JDP2: variants seen among roughly 807,000 people sequenced by gnomAD.
JDP2 encodes progesterone receptor co-activator.
JDP2 carries 9 observed loss-of-function variants against 17.1 expected under a neutral mutation model. The observed-to-expected ratio is 0.53, with a 90% CI of 0.32 to 0.92. The LOEUF (loss-of-function observed/expected upper bound fraction) is 0.92, where lower values mean the gene tolerates loss of function less well. JDP2 is among the 40% of genes least tolerant of loss of function. The pLI, the probability that JDP2 is intolerant of heterozygous loss-of-function variation, is 0.04. For missense variants in JDP2, 179 were observed against 220.0 expected, an observed-to-expected ratio of 0.81 and a Z score of 1.18; for synonymous variants, 107 against 95.6, an observed-to-expected ratio of 1.12 and a Z score of -0.69.
chr14:75,463,651 G>A (rs1441639153), intron 3 of JDP2, among the ~76,000 whole-genome samples: 1 of 152,166 alleles, frequency 6.6e-6, no homozygotes, highest in African/African-American at 2.4e-5. Flanking sequence ...ATGAGGAATG[G>A]AAGGGTTCAA....
chr14:75,445,008 A>C, intron 2 of JDP2: 1 of 692,090 alleles, frequency 1.4e-6, no homozygotes, highest in South Asian at 6.5e-5. Flanking sequence ...TTGTATTCCC[A>C]TCAACCAACA....
chr14:75,432,972 C>T (rs1319286077), intron 1 of JDP2, among the ~76,000 whole-genome samples: 2 of 151,656 alleles, frequency 1.3e-5, no homozygotes, highest in Non-Finnish European at 2.9e-5. Flanking sequence ...GAGGCTGAGG[C>T]GGGTGGATCA....
chr14:75,432,276 G>A (rs1031622393), intron 1 of JDP2: 2 of 1,544,370 alleles, frequency 1.3e-6, no homozygotes, highest in African/African-American at 2.7e-5. Flanking sequence ...GGTCATCCTG[G>A]GTGATTCCTT....
At chr14:75,431,708 GC>G (rs1172063534) in intron 1 of JDP2, among the ~76,000 whole-genome samples, 1 of 152,222 alleles carries the variant, frequency 6.6e-6, no homozygotes, top group Non-Finnish European at 1.5e-5. Context: ...AGATGGTCCT[GC>G]CCCCTTGGGG....
chr14:75,462,250 T>C (rs1227007198), intron 3 of JDP2, among the ~76,000 whole-genome samples: 10 of 152,228 alleles, frequency 6.6e-5, no homozygotes, highest in Admixed American at 6.5e-4. Context: ...TGAGGGAACA[T>C]GACCAGAAAG....
chr14:75,448,369 A>G (rs954030303), intron 2 of JDP2, among the ~76,000 whole-genome samples: 6 of 152,344 alleles, frequency 3.9e-5, no homozygotes, highest in Non-Finnish European at 4.4e-5. Context: ...CCAGAAATCC[A>G]TGATGCAATA....
Position 75,438,022 on chromosome 14 carries a change from G to T in JDP2, c.102G>T (p.Glu34Asp). 1 of 1,613,912 alleles carries T rather than the reference G, an allele frequency of 6.2e-7. No individual in the cohort carries two copies. The highest frequency in any genetic ancestry group is 8.5e-7 in the Non-Finnish European group (1 of 1,179,934). The stretch of plus-strand genomic sequence containing the variant: ...CCAGCTCGGCCCTGACTGTGGAGGA[G>T]CTGAAATACGCTGACATCCGCAACC... ...GLPSSALTVE[E>D]LKYADIRNLG... The change falls in exon 2 of 4, where the codon GAG becomes GAT. Residue 34 changes from glutamate (E) to aspartate (D), a missense_variant. Coordinates refer to ENST00000651602, the MANE Select transcript of JDP2 (RefSeq NM_001135048.2).
rs1045057176 is a variant in JDP2 at position 75,470,273 on chromosome 14, A to G, written c.*798A>G. On this transcript the variant is annotated 3_prime_UTR_variant, in exon 4 of 4. Coordinates refer to ENST00000651602, the MANE Select transcript of JDP2 (RefSeq NM_001135048.2). Reference sequence around the variant, plus strand: ...TCACTCGATGTGATACAGTATAAATATGCTATGGTTTGTTTGTTATGAACA... The same window carrying G: ...TCACTCGATGTGATACAGTATAAATGTGCTATGGTTTGTTTGTTATGAACA... 5 of 148,518 alleles carry G rather than the reference A, an allele frequency of 3.4e-5. No homozygotes were observed. The Admixed American group carries it at 3.4e-4, about 10-fold the overall frequency. The allele number at this position is 148,518 out of a possible 1,614,324, so 9.2% of individuals were successfully genotyped here.
intron 3 of JDP2, among the ~76,000 whole-genome samples, chr14:75,462,402 A>C (rs1886381274): frequency 2.6e-5 from 4 of 152,192 alleles, no homozygotes; most frequent in Admixed American, 2.6e-4. Context: ...AATAGTTGCC[A>C]CTATTTGTAA....
chr14:75,443,847 G>A lies in JDP2; in HGVS notation c.201+5726G>A, dbSNP rs778828346. Among the ~76,000 whole-genome samples the A allele has an allele frequency of 3.6e-4, 54 of 152,082 alleles. 1 individual carries two copies. In the Middle Eastern group the frequency reaches 0.01, roughly 29 times the overall value. ...CTCAGGAAGTCTTACAGCTTCTTAGGTTTTCTATTAATATCTTAAAGTGAG... is the reference window on the plus strand; with the variant it reads ...CTCAGGAAGTCTTACAGCTTCTTAGATTTTCTATTAATATCTTAAAGTGAG... On this transcript the variant is annotated intron_variant, in intron 2 of 3. Coordinates refer to ENST00000651602, the MANE Select transcript of JDP2 (RefSeq NM_001135048.2).
At chr14:75,451,901 G>A (rs563754293) in intron 2 of JDP2, among the ~76,000 whole-genome samples, 5 of 152,338 alleles carry the variant, frequency 3.3e-5, no homozygotes, top group East Asian at 1.9e-4. Context: ...GGCACTAAGC[G>A]TCTGTAAAAG....
chr14:75,429,974 A>G (rs1331426161), intron 1 of JDP2, among the ~76,000 whole-genome samples: 1 of 151,778 alleles, frequency 6.6e-6, no homozygotes, highest in Admixed American at 6.6e-5. Flanking sequence ...CTTTTCTCCT[A>G]GGTTGGCTGC....
chr14:75,452,407 A>AGAT (rs761265843), intron 2 of JDP2, among the ~76,000 whole-genome samples: 11 of 152,210 alleles, frequency 7.2e-5, no homozygotes, highest in African/African-American at 1.2e-4. Context: ...TGCTTATTAA[A>AGAT]GATGAGCCCC....
Position 75,438,031 on chromosome 14 carries a change from C to T in JDP2, c.111C>T (p.Tyr37=), listed in dbSNP as rs116764195. 737 of 1,613,974 alleles carry T rather than the reference C, an allele frequency of 4.6e-4. 6 individuals are homozygous for T. The African/African-American group carries it at 8.6e-3, about 19-fold the overall frequency. ...SSALTVEELK[Y]ADIRNLGAMI... is the part of the protein sequence containing the mutation. ...CCCTGACTGTGGAGGAGCTGAAATA[C>T]GCTGACATCCGCAACCTCGGGGCCA... The change falls in exon 2 of 4, where the codon TAC becomes TAT. Residue 37 remains tyrosine (Y), a synonymous_variant. Coordinates refer to ENST00000651602, the MANE Select transcript of JDP2 (RefSeq NM_001135048.2).
intron 2 of JDP2, among the ~76,000 whole-genome samples, chr14:75,460,887 TAAAGA>T (rs1228004154): frequency 6.6e-6 from 1 of 152,134 alleles, no homozygotes; most frequent in East Asian, 1.9e-4. Flanking sequence ...GAGTAATTTA[TAAAGA>T]AAAGAAATTT....
rs1885020003 is a variant in JDP2 at position 75,435,413 on chromosome 14, GGGGGTGGAGGGTC to G, written c.-23-2484_-23-2472del. Among the ~76,000 whole-genome samples, 5 of 152,192 alleles carry G rather than the reference GGGGGTGGAGGGTC, an allele frequency of 3.3e-5. No individual in the cohort carries two copies. In the South Asian group the frequency reaches 1.1e-3, roughly 32 times the overall value. ...AACTTCCTAAACCTGGATCTCCATG[GGGGGTGGAGGGTC>G]CTCTGTGCAAGACAATGACCCTCTA... On this transcript the variant is annotated intron_variant, in intron 1 of 3. Coordinates refer to ENST00000651602, the MANE Select transcript of JDP2 (RefSeq NM_001135048.2).
intron 3 of JDP2, among the ~76,000 whole-genome samples, chr14:75,462,992 C>T (rs570732420): frequency 1.2e-4 from 18 of 152,212 alleles, no homozygotes; most frequent in Non-Finnish European, 2.5e-4. Flanking sequence ...TGAAGTGCCA[C>T]ATACCTCATT....
Position 75,471,301 on chromosome 14 carries a change from C to T in JDP2, c.*1826C>T, listed in dbSNP as rs1216313082. 1.3e-5 allele frequency: 2 copies of T among 152,300 alleles called. No individual in the cohort carries two copies. The highest frequency in any genetic ancestry group is 2.4e-5 in the African/African-American group (1 of 41,434). 9.4% of individuals were successfully genotyped at this position (152,300 alleles called of 1,614,324 possible). On this transcript the variant is annotated 3_prime_UTR_variant, in exon 4 of 4. Coordinates refer to ENST00000651602, the MANE Select transcript of JDP2 (RefSeq NM_001135048.2). ...CAGCTGAATCCCTGCCACCCAGGGC[C>T]GGAGCAGCTCAGTGGCATTCACTCA...
At chr14:75,459,921 T>A (rs1886281719) in intron 2 of JDP2, among the ~76,000 whole-genome samples, 1 of 152,188 alleles carries the variant, frequency 6.6e-6, no homozygotes, top group East Asian at 1.9e-4. Flanking sequence ...ACCAGAGAAA[T>A]CTGAGTTTGA....
Sources: gnomAD v4.1 joint callset for allele counts (sites outside exome capture counted in the v4.1 genomes callset) on GRCh38, gnomAD v4.1.1 for gene constraint, MANE v1.5 for transcripts, NCBI Gene and HGNC (gene_info 2026-07-23, HGNC 2026-07-21) for gene names.